TNFAIP8: variants seen among roughly 807,000 people sequenced by gnomAD.
TNFAIP8 encodes tumor necrosis factor alpha-induced protein 8.
In TNFAIP8, 7 loss-of-function variants were observed where a neutral mutation model predicts 13.3. The ratio of observed to expected loss-of-function variants is 0.52; its 90% confidence interval spans 0.30 to 0.99. The LOEUF is 0.99. TNFAIP8 is among the 50% of genes least tolerant of loss of function. The pLI is 0.07. For missense variants in TNFAIP8, 258 were observed against 236.9 expected (o/e 1.09, Z -0.58); for synonymous variants, 94 against 87.6 (o/e 1.07, Z -0.41).
At chr5:119,390,727 G>A (rs1414557608) in intron 1 of TNFAIP8, among the ~76,000 whole-genome samples, 1 of 152,134 alleles carries the variant, frequency 6.6e-6, no homozygotes, top group Admixed American at 6.5e-5. Flanking sequence ...CAGGTCATAA[G>A]GAACCATTTT....
chr5:119,382,842 C>T (rs1280086788), intron 1 of TNFAIP8, among the ~76,000 whole-genome samples: 1 of 152,252 alleles, frequency 6.6e-6, no homozygotes, highest in Non-Finnish European at 1.5e-5. Context: ...CTATTTGCAT[C>T]TGATAATTGT....
intron 1 of TNFAIP8, among the ~76,000 whole-genome samples, chr5:119,368,346 G>A (rs753267836): frequency 1.3e-5 from 2 of 148,660 alleles, no homozygotes; most frequent in South Asian, 2.1e-4. Flanking sequence ...GCTATCTCCC[G>A]AAATAATATA....
chr5:119,377,732 A>G (rs1036871934), intron 1 of TNFAIP8, among the ~76,000 whole-genome samples: 7 of 149,420 alleles, frequency 4.7e-5, no homozygotes, highest in African/African-American at 1.5e-4. Context: ...AACCTCATAT[A>G]AGTTGTGTTT....
At chr5:119,368,460 CGT>C (rs1051400341) in intron 1 of TNFAIP8, among the ~76,000 whole-genome samples, 2 of 121,578 alleles carry the variant, frequency 1.6e-5, no homozygotes, top group African/African-American at 3.0e-5. Context: ...TGTGTGTGTG[CGT>C]GTGTGTGTTT....
intron 1 of TNFAIP8, among the ~76,000 whole-genome samples, chr5:119,341,090 T>C (rs1001084895): frequency 1.8e-5 from 2 of 112,700 alleles, no homozygotes; most frequent in Non-Finnish European, 3.4e-5. Flanking sequence ...TCTCCTGCTT[T>C]TTTTTTTTTT....
At chr5:119,364,401 T>C (rs1308817190) in intron 1 of TNFAIP8, among the ~76,000 whole-genome samples, 2 of 152,146 alleles carry the variant, frequency 1.3e-5, no homozygotes, top group African/African-American at 2.4e-5. Flanking sequence ...ATAGTCTCAC[T>C]CCGTCACCCA....
intron 1 of TNFAIP8, among the ~76,000 whole-genome samples, chr5:119,358,400 G>A (rs951866448): frequency 1.3e-5 from 2 of 152,068 alleles, no homozygotes; most frequent in Non-Finnish European, 2.9e-5. Flanking sequence ...TCTGTGCCAG[G>A]GGTGCTGGAT....
chr5:119,292,677 T>C (rs1359420277), intron 1 of TNFAIP8, among the ~76,000 whole-genome samples: 1 of 36,436 alleles, frequency 2.7e-5, no homozygotes, highest in African/African-American at 7.8e-5. Context: ...TATATATATA[T>C]ATATATATAC....
At chr5:119,318,216 T>C (rs1247290791) in intron 1 of TNFAIP8, among the ~76,000 whole-genome samples, 2 of 152,134 alleles carry the variant, frequency 1.3e-5, no homozygotes, top group African/African-American at 4.8e-5. Context: ...CTTTTTTTTT[T>C]TCAGTTTGTC....
rs1219329922 is a variant in TNFAIP8 at position 119,380,588 on chromosome 5, GA to G, written c.32-12224del. Among the ~76,000 whole-genome samples, 11 of 152,280 alleles carry G rather than the reference GA, an allele frequency of 7.2e-5. No individual in the cohort carries two copies. In the East Asian group the frequency reaches 2.1e-3, roughly 29 times the overall value. ...ATATGTAAATAAATCCAGCTTAATTGAAAAGTCTTTAGAAAGACTAATGTAT... is the reference window on the plus strand; with the variant it reads ...ATATGTAAATAAATCCAGCTTAATTGAAAGTCTTTAGAAAGACTAATGTAT... On this transcript the variant is annotated intron_variant, in intron 1 of 1. Coordinates refer to ENST00000504771, the MANE Select transcript of TNFAIP8 (RefSeq NM_014350.4).
chr5:119,388,982 T>C (rs1238956557), intron 1 of TNFAIP8, among the ~76,000 whole-genome samples: 2 of 151,952 alleles, frequency 1.3e-5, no homozygotes, highest in East Asian at 1.9e-4. Flanking sequence ...CTGGCTGATA[T>C]GTGAAAAGAG....
exon 1 of TNFAIP8, chr5:119,268,857 AC>A: frequency 1.4e-6 from 1 of 701,400 alleles, no homozygotes; most frequent in South Asian, 1.5e-5. Flanking sequence ...GCGCCGCCAA[AC>A]AGCCCAGCTC....
chr5:119,356,719 T>C (rs1238855887), intron 1 of TNFAIP8, among the ~76,000 whole-genome samples: 4 of 152,176 alleles, frequency 2.6e-5, no homozygotes, highest in Non-Finnish European at 5.9e-5. Flanking sequence ...AGAGTTTGTC[T>C]GTTTCTAACT....
At chr5:119,308,865 A>T (rs1349463247) in intron 1 of TNFAIP8, among the ~76,000 whole-genome samples, 1 of 151,968 alleles carries the variant, frequency 6.6e-6, no homozygotes, top group Non-Finnish European at 1.5e-5. Context: ...AAAAAAAAAA[A>T]AAAAAAAAAG....
intron 1 of TNFAIP8, among the ~76,000 whole-genome samples, chr5:119,336,132 T>C (rs1260311814): frequency 3.9e-5 from 6 of 152,118 alleles, no homozygotes; most frequent in South Asian, 2.1e-4. Context: ...AGGGGCTAGA[T>C]GGTGGGACCT....
chr5:119,313,944 G>T (rs114529569), intron 1 of TNFAIP8, among the ~76,000 whole-genome samples: 1 of 152,294 alleles, frequency 6.6e-6, no homozygotes, highest in South Asian at 2.1e-4. Context: ...GGGTTTTGAG[G>T]TTAAAGGGAC....
intron 1 of TNFAIP8, among the ~76,000 whole-genome samples, chr5:119,321,224 A>C (rs577183120): frequency 6.6e-6 from 1 of 152,350 alleles, no homozygotes; most frequent in East Asian, 1.9e-4. Flanking sequence ...CTCAAAAAAA[A>C]GACTAGACTT....
At chr5:119,366,933 G>A (rs1751880038) in intron 1 of TNFAIP8, among the ~76,000 whole-genome samples, 1 of 152,188 alleles carries the variant, frequency 6.6e-6, no homozygotes, top group South Asian at 2.1e-4. Flanking sequence ...CTGTGCAAAT[G>A]GGGAGGGACA....
intron 1 of TNFAIP8, among the ~76,000 whole-genome samples, chr5:119,294,079 G>A (rs1198943124): frequency 1.3e-5 from 2 of 151,476 alleles, no homozygotes; most frequent in Non-Finnish European, 2.9e-5. Flanking sequence ...AAGTTTTAGG[G>A]TACATGTGCA....
Sources: gnomAD v4.1 joint callset for allele counts (sites outside exome capture counted in the v4.1 genomes callset) on GRCh38, gnomAD v4.1.1 for gene constraint, MANE v1.5 for transcripts, NCBI Gene and HGNC (gene_info 2026-07-23, HGNC 2026-07-21) for gene names.